SPECC1L: variants seen among roughly 807,000 people sequenced by gnomAD.
SPECC1L encodes cytospin-A.
In SPECC1L, 40 loss-of-function variants were observed where a neutral mutation model predicts 116.8. That is an observed-to-expected ratio of 0.34 (90% CI 0.27 to 0.45). The LOEUF is 0.45. SPECC1L is among the 20% of genes least tolerant of loss of function. The probability of loss-of-function intolerance (pLI) is 1.00; values close to 1 mark genes in which losing one functional copy is unlikely to be tolerated. For synonymous variants in SPECC1L, 504 were observed against 500.6 expected (o/e 1.01, Z -0.09); for missense variants, 1,110 against 1,373.6 (o/e 0.81, Z 3.03).
At chr22:24,321,088 C>T (rs2040712007) in intron 4 of SPECC1L, among the ~76,000 whole-genome samples, 200 bp from the exon 5 acceptor site, 2 of 152,150 alleles carry the variant, frequency 1.3e-5, no homozygotes, top group Admixed American at 1.3e-4. Context: ...CTTATTTCTC[C>T]TTGATAATTA....
intron 12 of SPECC1L, among the ~76,000 whole-genome samples, chr22:24,364,408 A>G (rs1569436418): frequency 6.6e-6 from 1 of 152,122 alleles, no homozygotes; most frequent in Non-Finnish European, 1.5e-5. Flanking sequence ...CATGCCTGTA[A>G]TCCCAGCACT....
chr22:24,395,978 T>G (rs2042360573), intron 14 of SPECC1L, among the ~76,000 whole-genome samples: 1 of 152,160 alleles, frequency 6.6e-6, no homozygotes, highest in South Asian at 2.1e-4. Context: ...AAAAAAAGGC[T>G]TTGATCTTCT....
chr22:24,333,825 T>G (rs2040990062), intron 8 of SPECC1L, among the ~76,000 whole-genome samples: 1 of 152,048 alleles, frequency 6.6e-6, no homozygotes, highest in Non-Finnish European at 1.5e-5. Flanking sequence ...GCTAATTGAT[T>G]ACTGATGTCC....
intron 10 of SPECC1L, among the ~76,000 whole-genome samples, chr22:24,340,446 T>C (rs1400781023): frequency 6.6e-6 from 1 of 152,194 alleles, no homozygotes; most frequent in East Asian, 1.9e-4. Flanking sequence ...TGTGCGCAGC[T>C]GATTTAATGC....
chr22:24,343,465 T>C, intron 10 of SPECC1L: 1 of 449,568 alleles, frequency 2.2e-6, no homozygotes, highest in South Asian at 1.6e-5. Context: ...TTTTTTGTTT[T>C]GTTTTGTTTT....
At chr22:24,369,788 T>G (rs2146648932) in intron 14 of SPECC1L, among the ~76,000 whole-genome samples, 1 of 152,386 alleles carries the variant, frequency 6.6e-6, no homozygotes, top group Middle Eastern at 3.4e-3. Flanking sequence ...ACTCATCTGT[T>G]GTAGCACTTT....
At chr22:24,361,096 A>G (rs1270396553) in intron 11 of SPECC1L, among the ~76,000 whole-genome samples, 1 of 152,160 alleles carries the variant, frequency 6.6e-6, no homozygotes, top group African/African-American at 2.4e-5. Flanking sequence ...TGTTCCTCAT[A>G]CCCTTAGAAA....
In SPECC1L at chr22:24,324,330, G is replaced by A; in HGVS notation, c.2049G>A (p.Arg683=). 6.2e-7 allele frequency: 1 copy of A among 1,614,092 alleles called. No homozygotes were observed. Among genetic ancestry groups the A allele is most frequent in the South Asian group, 1.1e-5 (1 of 91,086 alleles). The change falls in exon 6 of 17, where the codon AGG becomes AGA. Residue 683 remains arginine, a synonymous_variant. Transcript: ENST00000314328. The part of the protein sequence containing the change: ...RSDLDEKETE[R]SDMKETIFEL... ...ACCTGGATGAAAAAGAAACAGAAAGGAGTGACATGAAAGAAACCATCTTTG... is the reference window on the plus strand; with the variant it reads ...ACCTGGATGAAAAAGAAACAGAAAGAAGTGACATGAAAGAAACCATCTTTG...
Position 24,342,300 on chromosome 22 carries a change from G to A in SPECC1L, c.2652+3823G>A, listed in dbSNP as rs2041192893. 2.0e-5 allele frequency among the ~76,000 whole-genome samples: 3 copies of A among 152,184 alleles called. No homozygotes were observed. In the South Asian group the frequency reaches 6.2e-4, roughly 31 times the overall value. ...ATAGAAATGATAGGATTAGCATGCA[G>A]CAATGTAAATATGATCTCTGCTTAA... is the stretch of plus-strand genomic sequence containing the variant. On this transcript the variant is annotated intron_variant, in intron 10 of 16. Transcript: ENST00000314328.
intron 9 of SPECC1L, among the ~76,000 whole-genome samples, chr22:24,337,503 G>T (rs979418428): frequency 3.3e-5 from 5 of 152,092 alleles, no homozygotes; most frequent in African/African-American, 1.2e-4. Context: ...CTAGGTAGAG[G>T]TGATGGTTGC....
chr22:24,273,119 CT>C (rs1287530947), intron 1 of SPECC1L, among the ~76,000 whole-genome samples: 2 of 152,090 alleles, frequency 1.3e-5, no homozygotes, highest in African/African-American at 4.8e-5. Context: ...CAAAGGTGAA[CT>C]TTTAGGAGGT....
At chr22:24,303,411 G>T (rs1204839418) in intron 3 of SPECC1L, among the ~76,000 whole-genome samples, 3 of 152,174 alleles carry the variant, frequency 2.0e-5, no homozygotes, top group Non-Finnish European at 4.4e-5. Flanking sequence ...AGCTTCCATT[G>T]TCTCAGTGAA....
intron 14 of SPECC1L, among the ~76,000 whole-genome samples, chr22:24,376,493 G>T (rs936849935): frequency 2.6e-5 from 4 of 152,042 alleles, no homozygotes; most frequent in Non-Finnish European, 5.9e-5. Context: ...AACTATTTAG[G>T]AATAAATTTA....
At chr22:24,339,559 A>C (rs1291625173) in intron 10 of SPECC1L, among the ~76,000 whole-genome samples, 1 of 152,234 alleles carries the variant, frequency 6.6e-6, no homozygotes, top group Non-Finnish European at 1.5e-5. Flanking sequence ...AGTATAGTTG[A>C]GGCGGAGTAT....
At chr22:24,293,182 A>G (rs1569407350) in intron 2 of SPECC1L, among the ~76,000 whole-genome samples, 6 of 152,198 alleles carry the variant, frequency 3.9e-5, no homozygotes, top group Admixed American at 3.3e-4. Context: ...GAGGCTGGGC[A>G]CAGTGGCTCA....
chr22:24,387,637 A>G (rs1163273820), intron 14 of SPECC1L, among the ~76,000 whole-genome samples: 4 of 152,174 alleles, frequency 2.6e-5, no homozygotes, highest in Admixed American at 1.3e-4. Context: ...TTCTTCATTT[A>G]TTCCAGATGA....
chr22:24,316,987 G>T (rs2040587824), intron 4 of SPECC1L, among the ~76,000 whole-genome samples: 1 of 122,782 alleles, frequency 8.1e-6, no homozygotes, highest in South Asian at 2.7e-4. Context: ...GGGCGGCCGG[G>T]CAGAGGCGCC....
In SPECC1L at chr22:24,373,365, C is replaced by A. The variant is rs568855476; in HGVS notation, c.3087+4045C>A. 2.4e-4 allele frequency among the ~76,000 whole-genome samples: 36 copies of A among 152,340 alleles called. 1 individual carries two copies. The South Asian group carries it at 7.5e-3, about 32-fold the overall frequency. ...AAGCTGGAGGCATCACACTACCTGA[C>A]TTCAAACTATACTACAAGGCTACAG... On this transcript the variant is annotated intron_variant, in intron 14 of 16. Coordinates refer to ENST00000314328, the MANE Select transcript of SPECC1L (RefSeq NM_015330.6).
intron 5 of SPECC1L, chr22:24,323,195 G>A (rs2040754151): frequency 5.3e-6 from 4 of 757,760 alleles, no homozygotes; most frequent in Non-Finnish European, 6.4e-6. Flanking sequence ...TTTGTCCCTA[G>A]TTCTGAGTAT....
Sources: allele counts gnomAD v4.1 joint callset (sites outside exome capture counted in the v4.1 genomes callset), GRCh38; gene constraint gnomAD v4.1.1; transcripts MANE v1.5; gene names NCBI Gene and HGNC (gene_info 2026-07-23, HGNC 2026-07-21).